The following PCSK6 variants were observed in gnomAD, a reference collection of about 807,000 sequenced individuals.
The protein encoded by PCSK6 is proprotein convertase subtilisin/kexin type 6, also known as paired basic amino acid cleaving enzyme 4.
Under a neutral mutation model 123.3 loss-of-function variants are expected in PCSK6, and 85 were observed. The ratio of observed to expected loss-of-function variants is 0.69; its 90% CI spans 0.58 to 0.83. The LOEUF (loss-of-function observed/expected upper bound fraction) is 0.83. Among genes scored for constraint, PCSK6 ranks in the 40% least tolerant of loss-of-function variants. The pLI is 0.00. For synonymous variants in PCSK6, 508 were observed against 516.0 expected (o/e 0.98, Z 0.21); for missense variants, 1,191 against 1,282.3 (o/e 0.93, Z 1.09).
chr15:101,447,245 A>AT (rs748621994), intron 1 of PCSK6, among the ~76,000 whole-genome samples: 47 of 152,034 alleles, frequency 3.1e-4, no homozygotes, highest in Non-Finnish European at 6.0e-4. Flanking sequence ...TTCATGGGGA[A>AT]GGGGGACAGG....
intron 13 of PCSK6, among the ~76,000 whole-genome samples, chr15:101,333,879 A>G (rs1020878346): frequency 6.6e-6 from 1 of 152,152 alleles, no homozygotes; most frequent in Non-Finnish European, 1.5e-5. Context: ...CATTTACACA[A>G]TGTGGCATGT....
chr15:101,485,092 G>A (rs1365754748), intron 1 of PCSK6, among the ~76,000 whole-genome samples: 1 of 152,164 alleles, frequency 6.6e-6, no homozygotes, highest in Non-Finnish European at 1.5e-5. Flanking sequence ...TTGCCAGCAC[G>A]TGATGCTAAC....
At chr15:101,393,489 G>T (rs1021991317) in intron 7 of PCSK6, 65 bp from the exon 8 acceptor site, 6 of 1,250,380 alleles carry the variant, frequency 4.8e-6, no homozygotes, top group African/African-American at 1.5e-5. Context: ...GTCTCCCCCC[G>T]AACCTAGAGT....
chr15:101,454,640 T>G (rs1330447910), intron 1 of PCSK6, among the ~76,000 whole-genome samples: 1 of 152,106 alleles, frequency 6.6e-6, no homozygotes, highest in Non-Finnish European at 1.5e-5. Flanking sequence ...AGTTGGTGTG[T>G]AAAGGGTACA....
intron 13 of PCSK6, among the ~76,000 whole-genome samples, chr15:101,354,497 T>C (rs1203817244): frequency 6.6e-6 from 1 of 152,276 alleles, no homozygotes; most frequent in Non-Finnish European, 1.5e-5. Context: ...CCACGGCACA[T>C]TGAGCATTTA....
intron 10 of PCSK6, among the ~76,000 whole-genome samples, chr15:101,382,565 G>T (rs2041941125): frequency 6.6e-6 from 1 of 152,140 alleles, no homozygotes; most frequent in Non-Finnish European, 1.5e-5. Context: ...CTGAATCTAA[G>T]ACCAGACAAG....
intron 9 of PCSK6, among the ~76,000 whole-genome samples, chr15:101,388,382 A>G (rs4965837): frequency 0.64 from 97,308 of 152,102 alleles, 31,863 homozygotes; most frequent in Admixed American, 0.73. Context: ...CTCATCTACA[A>G]CAGATGACTA....
Position 101,489,637 on chromosome 15 carries a change from G to C in PCSK6, c.34C>G (p.Arg12Gly), listed in dbSNP as rs1415385906. The C allele has an allele frequency of 3.1e-6, 3 of 975,872 alleles. No individual in the cohort carries two copies. The highest frequency in any genetic ancestry group is 3.6e-6 in the Non-Finnish European group (3 of 825,194). The allele number at this position is 975,872 out of a possible 1,614,324, so 60.5% of individuals were successfully genotyped here. A position where few individuals can be genotyped will look rare whatever the true frequency, so the allele number is the denominator to read the frequency against. ...GCGGCGGCGGCCCGGGGCGGCGGCC[G>C]GGGCCCGGGCGCAGGCGGCGCGCGC... ...PPRAPPAPGP[R>G]PPPRAAAATD... The change falls in exon 1 of 22, where the codon CGG becomes GGG. Residue 12 changes from arginine (R) to glycine (G), a missense_variant. By Grantham distance (125) the Arg-to-Gly change is moderately radical (BLOSUM62 -2). Transcript: ENST00000611716.
At chr15:101,344,095 TA>T (rs200550412) in intron 13 of PCSK6, among the ~76,000 whole-genome samples, 1 of 151,874 alleles carries the variant, frequency 6.6e-6, no homozygotes, top group East Asian at 1.9e-4. Flanking sequence ...AATAAATAAA[TA>T]AAAAATTTGG....
At chr15:101,476,239 A>C (rs2057727830) in intron 1 of PCSK6, among the ~76,000 whole-genome samples, 1 of 152,240 alleles carries the variant, frequency 6.6e-6, no homozygotes, top group South Asian at 2.1e-4. Flanking sequence ...AAGGGCCAGC[A>C]ATCACCATTT....
intron 11 of PCSK6, among the ~76,000 whole-genome samples, chr15:101,380,977 C>T (rs991019577): frequency 2.6e-5 from 4 of 152,092 alleles, no homozygotes; most frequent in South Asian, 2.1e-4. Flanking sequence ...AAAACAGCTG[C>T]GATGGCAGAA....
At chr15:101,395,025 G>C (rs1325642065) in intron 7 of PCSK6, among the ~76,000 whole-genome samples, 1 of 152,214 alleles carries the variant, frequency 6.6e-6, no homozygotes, top group African/African-American at 2.4e-5. Context: ...CCTGCAGGAA[G>C]AGATTCAGCT....
chr15:101,481,539 G>A (rs993298913), intron 1 of PCSK6, among the ~76,000 whole-genome samples: 5 of 152,194 alleles, frequency 3.3e-5, no homozygotes, highest in Admixed American at 2.0e-4. Flanking sequence ...GCGGTGGGGT[G>A]GGGCAGGAGG....
At chr15:101,361,835 G>A (rs566811796) in intron 13 of PCSK6, among the ~76,000 whole-genome samples, 6 of 152,222 alleles carry the variant, frequency 3.9e-5, no homozygotes, top group East Asian at 1.9e-4. Flanking sequence ...GACACTATAG[G>A]GGACTGAACT....
intron 1 of PCSK6, among the ~76,000 whole-genome samples, chr15:101,449,763 T>C (rs1308591615): frequency 6.6e-6 from 1 of 152,118 alleles, no homozygotes. Flanking sequence ...ATCCAGGAAC[T>C]GCATGAGATA....
chr15:101,359,991 T>G (rs80010025), intron 13 of PCSK6, among the ~76,000 whole-genome samples: 1 of 152,118 alleles, frequency 6.6e-6, no homozygotes, highest in Non-Finnish European at 1.5e-5. Context: ...CTCCAGCATC[T>G]TCCCCCCCTG....
intron 7 of PCSK6, among the ~76,000 whole-genome samples, chr15:101,396,291 C>A (rs1596286033): frequency 6.6e-6 from 1 of 152,128 alleles, no homozygotes; most frequent in African/African-American, 2.4e-5. Context: ...ATGCAAAGAT[C>A]CCTCTCTGCA....
chr15:101,437,776 C>T (rs535058154), intron 2 of PCSK6, among the ~76,000 whole-genome samples: 12 of 152,186 alleles, frequency 7.9e-5, no homozygotes, highest in South Asian at 2.1e-4. Flanking sequence ...CCCCACCGCC[C>T]GCCACCCACC....
At chr15:101,458,112 G>T (rs2057237754) in intron 1 of PCSK6, among the ~76,000 whole-genome samples, 1 of 152,174 alleles carries the variant, frequency 6.6e-6, no homozygotes, top group African/African-American at 2.4e-5. Context: ...TCTCTCAGAG[G>T]TCTCCATGGC....
Sources: allele counts gnomAD v4.1 joint callset (sites outside exome capture counted in the v4.1 genomes callset), GRCh38; gene constraint gnomAD v4.1.1; transcripts MANE v1.5; gene names NCBI Gene and HGNC (gene_info 2026-07-23, HGNC 2026-07-21).